Variants in CACNA1I observed in about 807,000 individuals in gnomAD.
The protein encoded by CACNA1I is voltage-dependent T-type calcium channel subunit alpha-1I.
CACNA1I carries 74 observed loss-of-function variants against 201.6 expected under a neutral mutation model. The ratio of observed to expected loss-of-function variants is 0.37; its 90% CI spans 0.30 to 0.45. The LOEUF is 0.45. Among genes scored for constraint, CACNA1I ranks in the 20% least tolerant of loss-of-function variants. The pLI, the probability that CACNA1I is intolerant of heterozygous loss-of-function variation, is 1.00. For synonymous variants in CACNA1I, 1,431 were observed against 1,345.2 expected, an observed-to-expected ratio of 1.06 and a Z score of -1.40; for missense variants, 2,346 against 3,138.1, an observed-to-expected ratio of 0.75 and a Z score of 6.03.
rs958951325 is a variant in CACNA1I at position 39,679,480 on chromosome 22, GA to G, written c.5394+36del. The G allele has an allele frequency of 1.5e-5, 21 of 1,357,770 alleles. No homozygotes were observed. In the African/African-American group the frequency reaches 2.3e-4, roughly 15 times the overall value. The allele number at this position is 1,357,770 out of a possible 1,614,324, so 84.1% of individuals were successfully genotyped here. On this transcript the variant is annotated intron_variant, in intron 32 of 36. Coordinates refer to ENST00000402142, the MANE Select transcript of CACNA1I (RefSeq NM_021096.4). ...GGCTGGAGAGGTGTGAGGGTCGCCAGAGGGGGGGCACCGCAGGGCCAGATGG... is the reference window on the plus strand; with the variant it reads ...GGCTGGAGAGGTGTGAGGGTCGCCAGGGGGGGGCACCGCAGGGCCAGATGG...
chr22:39,675,861 G>A (rs111409337), intron 29 of CACNA1I, among the ~76,000 whole-genome samples: 1 of 152,330 alleles, frequency 6.6e-6, no homozygotes, highest in African/African-American at 2.4e-5. Flanking sequence ...TGGCTGGAGT[G>A]TGTGGGATTG....
chr22:39,660,376 C>T lies in CACNA1I; in HGVS notation c.2637C>T (p.Asp879=), dbSNP rs1569086668. Reference sequence around the variant, plus strand: ...CCAATCGCTCCTACTCGGACGAGGACCAGAGCTCATCCAACATAGAAGAGT... The same window carrying T: ...CCAATCGCTCCTACTCGGACGAGGATCAGAGCTCATCCAACATAGAAGAGT... The part of the protein sequence containing the change: ...GDANRSYSDE[D]QSSSNIEEFD... Residue 879 remains aspartate, a synonymous_variant, in exon 15 of 37, where the codon GAC becomes GAT. Transcript: ENST00000402142. The T allele has an allele frequency of 3.7e-6, 6 of 1,612,916 alleles. No individual in the cohort carries two copies. The highest frequency in any genetic ancestry group is 4.2e-6 in the Non-Finnish European group (5 of 1,179,692).
chr22:39,570,925 C>T lies in CACNA1I; in HGVS notation c.173C>T (p.Ala58Val), dbSNP rs1465025992. ...HVPHPDLAPI[A>V]FFCLRQTTSP... is the part of the protein sequence containing the mutation. ...CCACACCCAGACCTGGCGCCTATTG[C>T]CTTCTTCTGCCTGCGACAGACCACC... Residue 58 changes from alanine (A) to valine (V), a missense_variant, in exon 1 of 37, where the codon GCC (alanine) becomes GTC (valine). Transcript: ENST00000402142. The T allele has an allele frequency of 1.2e-6, 2 of 1,613,810 alleles. No homozygotes were observed. Among genetic ancestry groups the T allele is most frequent in the South Asian group, 2.2e-5 (2 of 91,070 alleles).
chr22:39,668,350 A>G lies in CACNA1I; in HGVS notation c.4163A>G (p.Asn1388Ser). The G allele has an allele frequency of 2.5e-6, 4 of 1,613,226 alleles. No homozygotes were observed. Among genetic ancestry groups the G allele is most frequent in the Non-Finnish European group, 3.4e-6 (4 of 1,179,306 alleles). The change falls in exon 24 of 37, where the codon AAT (asparagine) becomes AGT (serine). Residue 1388 changes from asparagine (N) to serine (S), a missense_variant. Physicochemically the swap from Asn to Ser is conservative, Grantham distance 46 (BLOSUM62 1). Transcript: ENST00000402142. ...SKDGWVNIMY[N>S]GLDAVAVDQQ... ...GATGGTTGGGTGAACATCATGTACA[A>G]TGGACTGGATGCTGTTGCTGTGGAC... is the stretch of plus-strand genomic sequence containing the variant.
chr22:39,670,004 T>A, intron 24 of CACNA1I, 34 bp from the exon 25 acceptor site: 1 of 1,611,234 alleles, frequency 6.2e-7, no homozygotes, highest in Non-Finnish European at 8.5e-7. Context: ...TAGGGCCCAA[T>A]CAGCCTCCTC....
chr22:39,681,630 C>A (rs1171713939), intron 34 of CACNA1I, among the ~76,000 whole-genome samples: 1 of 152,038 alleles, frequency 6.6e-6, no homozygotes, highest in Non-Finnish European at 1.5e-5. Flanking sequence ...GGCCTGCAGG[C>A]CAGGAGGGGG....
intron 3 of CACNA1I, among the ~76,000 whole-genome samples, chr22:39,612,664 CA>C (rs1933418912): frequency 6.6e-6 from 1 of 152,158 alleles, no homozygotes; most frequent in South Asian, 2.1e-4. Flanking sequence ...ATCACCTCCC[CA>C]AAGGCCCTAA....
At chr22:39,679,026 C>T (rs1013837775) in intron 31 of CACNA1I, 81 bp from the exon 32 acceptor site, 20 of 1,098,956 alleles carry the variant, frequency 1.8e-5, no homozygotes, top group African/African-American at 3.1e-5. Context: ...TGCCTCCGAG[C>T]GTGGCCCTGG....
At position 39,661,199 on chromosome 22, in the gene CACNA1I, G is replaced by A. The variant is rs765247576; in HGVS notation, c.2790G>A (p.Ala930=). Residue 930 remains alanine (A), a synonymous_variant, in exon 16 of 37, where the codon GCG becomes GCA. Coordinates refer to ENST00000402142, the MANE Select transcript of CACNA1I (RefSeq NM_021096.4). ...LGGHLGPAGA[A]GPAPRLSLQP... is the part of the protein sequence containing the mutation. ...GGCACCTAGGTCCTGCTGGGGCTGC[G>A]GGACCTGCCCCCCGACTCTCACTGC... 15 of 1,612,050 alleles carry A rather than the reference G, an allele frequency of 9.3e-6. No individual in the cohort carries two copies. Among genetic ancestry groups the A allele is most frequent in the African/African-American group, 1.3e-5 (1 of 74,882 alleles).
At chr22:39,610,846 C>T (rs970876119) in intron 3 of CACNA1I, among the ~76,000 whole-genome samples, 11 of 152,228 alleles carry the variant, frequency 7.2e-5, no homozygotes, top group African/African-American at 2.4e-4. Context: ...AGTTCAGACA[C>T]ACCTTTCCTT....
rs988318724 is a variant in CACNA1I, at chr22:39,646,772, C to T, written c.1353C>T (p.Arg451=). The change falls in exon 8 of 37, where the codon CGC becomes CGT. Residue 451 remains arginine, a synonymous_variant. Transcript: ENST00000402142. ...YVCHILRKAK[R]RALGLYQALQ... ...GCCACATCCTGCGCAAGGCCAAGCG[C>T]CGCGCCCTGGGCCTCTACCAGGCCC... 1 of 1,583,338 alleles carries T rather than the reference C, an allele frequency of 6.3e-7. No homozygotes were observed. Among genetic ancestry groups the T allele is most frequent in the Admixed American group, 1.8e-5 (1 of 56,052 alleles).
In CACNA1I at chr22:39,677,999, A is replaced by C. The variant is rs764918631; in HGVS notation, c.4946A>C (p.Glu1649Ala). The change falls in exon 31 of 37, where the codon GAG (glutamate) becomes GCG (alanine). Residue 1649 changes from glutamate to alanine, a missense_variant. Physicochemically the swap from Glu to Ala is moderately radical, Grantham distance 107 (BLOSUM62 -1). Coordinates refer to ENST00000402142, the MANE Select transcript of CACNA1I (RefSeq NM_021096.4). The surrounding 1 kb of genome is among the most constrained non-coding windows in gnomAD (Gnocchi z 4.8). The stretch of plus-strand genomic sequence containing the variant: ...TCCCCGCTTCCAGTCTGCAACGACG[A>C]GAACCCGTGCGAGGGCATGAGCCGG... ...ELFGKLVCNDENPCEGMSRHA... is the reference protein window; with the variant it reads ...ELFGKLVCNDANPCEGMSRHA... 1.9e-6 allele frequency: 3 copies of C among 1,593,742 alleles called. No homozygotes were observed. Among genetic ancestry groups the C allele is most frequent in the Non-Finnish European group, 2.6e-6 (3 of 1,170,760 alleles).
At chr22:39,595,903 T>G (rs1321278001) in intron 1 of CACNA1I, among the ~76,000 whole-genome samples, 1 of 150,800 alleles carries the variant, frequency 6.6e-6, no homozygotes, top group Non-Finnish European at 1.5e-5. Context: ...GCAGAGACAA[T>G]GAGCATGTCA....
At chr22:39,627,117 A>G (rs1287080567) in intron 4 of CACNA1I, among the ~76,000 whole-genome samples, 2 of 152,142 alleles carry the variant, frequency 1.3e-5, no homozygotes, top group African/African-American at 4.8e-5. Flanking sequence ...TGTAGGCGCC[A>G]GACACCCACT....
intron 3 of CACNA1I, among the ~76,000 whole-genome samples, chr22:39,611,964 A>G (rs554120389): frequency 2.0e-5 from 3 of 152,110 alleles, no homozygotes; most frequent in Non-Finnish European, 4.4e-5. Context: ...CTTTGGCCTC[A>G]TAGGTTTGTG....
chr22:39,581,227 G>T lies in CACNA1I; in HGVS notation c.236+10239G>T, dbSNP rs550546432. Among the ~76,000 whole-genome samples, 3 of 152,318 alleles carry T rather than the reference G, an allele frequency of 2.0e-5. No homozygotes were observed. In the East Asian group the frequency reaches 5.8e-4, roughly 29 times the overall value. On this transcript the variant is annotated intron_variant, in intron 1 of 36. Transcript: ENST00000402142. ...AGAGCGGGAGGGGAGAAGTGGGGAG[G>T]CAGAGAAGTGGGATGGGGCATGGCC...
chr22:39,662,946 C>A, intron 18 of CACNA1I, 70 bp downstream of exon 18: 1 of 1,049,694 alleles, frequency 9.5e-7, no homozygotes, highest in Non-Finnish European at 1.4e-6. Context: ...CTCTGCCAAG[C>A]CAGGCAAGGC....
chr22:39,654,380 G>C (rs1260327234), intron 10 of CACNA1I, among the ~76,000 whole-genome samples: 1 of 152,182 alleles, frequency 6.6e-6, no homozygotes, highest in Non-Finnish European at 1.5e-5. Flanking sequence ...TAACCACCAA[G>C]TTGGAGAACA....
In CACNA1I at chr22:39,640,939, G is replaced by A. The variant is rs1184837173; in HGVS notation, c.813G>A (p.Leu271=). ...ATGAGATGCCCTTCATCTGCTCCCTGTCGGGCGACAATGGGATAATGGGCT... is the reference window on the plus strand; with the variant it reads ...ATGAGATGCCCTTCATCTGCTCCCTATCGGGCGACAATGGGATAATGGGCT... ...EDDEMPFICS[L]SGDNGIMGCH... is the part of the protein sequence containing the mutation. Residue 271 remains leucine, a synonymous_variant, in exon 6 of 37, where the codon CTG becomes CTA. Coordinates refer to ENST00000402142, the MANE Select transcript of CACNA1I (RefSeq NM_021096.4). 6.2e-7 allele frequency: 1 copy of A among 1,613,988 alleles called. No individual in the cohort carries two copies. The highest frequency in any genetic ancestry group is 1.7e-5 in the Admixed American group (1 of 60,026).
Sources: allele counts gnomAD v4.1 joint callset (sites outside exome capture counted in the v4.1 genomes callset), GRCh38; gene constraint gnomAD v4.1.1; non-coding constraint Gnocchi (gnomAD v3.1); transcripts MANE v1.5; gene names NCBI Gene and HGNC (gene_info 2026-07-23, HGNC 2026-07-21).